The following CHRNB3 variants were observed in gnomAD, a reference collection of about 807,000 sequenced individuals.
The protein encoded by CHRNB3 is cholinergic receptor nicotinic beta 3 subunit.
Under a neutral mutation model 40.6 loss-of-function variants are expected in CHRNB3, and 37 were observed. The ratio of observed to expected loss-of-function variants is 0.91; its 90% CI spans 0.70 to 1.20. The LOEUF (loss-of-function observed/expected upper bound fraction) is 1.20, where lower values mean the gene tolerates loss of function less well. Among genes scored for constraint, CHRNB3 ranks in the 50% most tolerant of loss-of-function variants. The pLI is 0.00. For synonymous variants in CHRNB3, 207 were observed against 207.1 expected, an observed-to-expected ratio of 1.00 and a Z score of 0.00; for missense variants, 505 against 551.2, an observed-to-expected ratio of 0.92 and a Z score of 0.84.
intron 3 of CHRNB3, chr8:42,725,488 A>G (rs1445779200): frequency 1.5e-6 from 1 of 671,754 alleles, no homozygotes; most frequent in African/African-American, 1.8e-5. Context: ...CCCAAAATAC[A>G]AAAACACATG....
chr8:42,717,069 C>G (rs1321176260), intron 3 of CHRNB3, among the ~76,000 whole-genome samples: 1 of 151,924 alleles, frequency 6.6e-6, no homozygotes, highest in Non-Finnish European at 1.5e-5. Flanking sequence ...AGCTGATTTC[C>G]CAGGAAAAAT....
intron 1 of CHRNB3, among the ~76,000 whole-genome samples, chr8:42,703,437 T>A (rs375246750): frequency 0.25 from 7,845 of 31,124 alleles, 1,589 homozygotes; most frequent in Non-Finnish European, 0.39. Context: ...AAAAAAAAAA[T>A]ATTTATATAT....
At chr8:42,718,775 G>A (rs1473158254) in intron 3 of CHRNB3, among the ~76,000 whole-genome samples, 1 of 151,804 alleles carries the variant, frequency 6.6e-6, no homozygotes, top group Non-Finnish European at 1.5e-5. Context: ...TTTGGCTCTG[G>A]GTTGTGGTTT....
At chr8:42,721,175 G>A (rs1563612518) in intron 3 of CHRNB3, among the ~76,000 whole-genome samples, 1 of 152,218 alleles carries the variant, frequency 6.6e-6, no homozygotes, top group Non-Finnish European at 1.5e-5. Context: ...GATCAGCTGA[G>A]AACATTTTAG....
chr8:42,717,403 A>AAAAAAAAAAAAAAAAAAG lies in CHRNB3; in HGVS notation c.249+6971_249+6972insAAAAAAAAAAAAAAAGAA, dbSNP rs71221230. ...AAAAAAAAAAAAAAAAAAAAAAAAA[A>AAAAAAAAAAAAAAAAAAG]AAGCCGACCTGTTGTGGAAAGGTCA... On this transcript the variant is annotated intron_variant, in intron 3 of 5. Coordinates refer to ENST00000289957, the MANE Select transcript of CHRNB3 (RefSeq NM_000749.5). Among the ~76,000 whole-genome samples, 105 of 50,906 alleles carry AAAAAAAAAAAAAAAAAAG rather than the reference A, an allele frequency of 2.1e-3. 47 individuals are homozygous for AAAAAAAAAAAAAAAAAAG. Among genetic ancestry groups the AAAAAAAAAAAAAAAAAAG allele is most frequent in the East Asian group, 7.0e-3 (11 of 1,568 alleles). 33.4% of individuals were successfully genotyped at this position (50,906 alleles called of 152,430 possible).
chr8:42,715,312 C>T (rs1010322711), intron 3 of CHRNB3, among the ~76,000 whole-genome samples: 3 of 152,086 alleles, frequency 2.0e-5, no homozygotes, highest in Non-Finnish European at 2.9e-5. Flanking sequence ...AGAAGTTCTA[C>T]AAGCCAAAAA....
intron 1 of CHRNB3, 86 bp from the exon 2 acceptor site, chr8:42,708,629 GGA>G (rs1815959533): frequency 7.0e-7 from 1 of 1,436,418 alleles, no homozygotes; most frequent in African/African-American, 1.4e-5. Context: ...CTATGGTGCA[GGA>G]GGCCAAGGCC....
chr8:42,708,907 T>C (rs374923236), intron 2 of CHRNB3, 39 bp downstream of exon 2: 19 of 1,576,282 alleles, frequency 1.2e-5, no homozygotes, highest in Non-Finnish European at 1.6e-5. Flanking sequence ...AGAACATGCA[T>C]TCCTTAACCT....
chr8:42,716,811 C>T (rs544924385), intron 3 of CHRNB3, among the ~76,000 whole-genome samples: 1 of 152,190 alleles, frequency 6.6e-6, no homozygotes, highest in East Asian at 1.9e-4. Context: ...CCTTCTGCCT[C>T]ATAAGGCCCT....
chr8:42,711,328 A>T (rs1816012013), intron 3 of CHRNB3, among the ~76,000 whole-genome samples: 1 of 151,752 alleles, frequency 6.6e-6, no homozygotes, highest in Non-Finnish European at 1.5e-5. Flanking sequence ...TAAATAAATA[A>T]ACTTGGTTTA....
chr8:42,731,927 AG>A lies in CHRNB3; in HGVS notation c.624del (p.Met209Ter), dbSNP rs1816431128. 2.5e-6 allele frequency: 4 copies of A among 1,614,026 alleles called. No homozygotes were observed. The highest frequency in any genetic ancestry group is 3.4e-6 in the Non-Finnish European group (4 of 1,180,032). ...DNGEWEILNA[K>X]GMKGNRRDGV... ...GGAGAATGGGAAATACTGAACGCAA[AG>A]GGGATGAAGGGGAACAGAAGGGACG... On this transcript the variant is annotated frameshift_variant, in exon 5 of 6. Transcript: ENST00000289957. LOFTEE classifies it high-confidence loss of function.
At chr8:42,726,486 T>A (rs1309380303) in intron 3 of CHRNB3, among the ~76,000 whole-genome samples, 2 of 151,800 alleles carry the variant, frequency 1.3e-5, no homozygotes, top group Non-Finnish European at 2.9e-5. Flanking sequence ...ATGACTTTTT[T>A]TTTTTTTTTT....
intron 3 of CHRNB3, 141 bp from the exon 4 acceptor site, chr8:42,730,453 G>T: frequency 3.8e-6 from 2 of 531,218 alleles, no homozygotes; most frequent in Admixed American, 3.5e-5. Context: ...TGAGTCCCCA[G>T]TAGGGTCACG....
intron 3 of CHRNB3, among the ~76,000 whole-genome samples, chr8:42,728,994 C>A (rs1816354391): frequency 6.6e-6 from 1 of 151,948 alleles, no homozygotes; most frequent in Non-Finnish European, 1.5e-5. Context: ...TATATTTGTT[C>A]TTCGAAATTG....
chr8:42,713,710 G>C (rs538916374), intron 3 of CHRNB3, among the ~76,000 whole-genome samples: 1 of 152,260 alleles, frequency 6.6e-6, no homozygotes, highest in South Asian at 2.1e-4. Context: ...TATCTATTGA[G>C]ATTAATATAC....
At chr8:42,703,003 C>T (rs924672708) in intron 1 of CHRNB3, among the ~76,000 whole-genome samples, 3 of 152,182 alleles carry the variant, frequency 2.0e-5, no homozygotes, top group African/African-American at 7.2e-5. Flanking sequence ...CCAGTATCTT[C>T]ACCTGTAAAA....
chr8:42,711,989 G>A (rs893441926), intron 3 of CHRNB3, among the ~76,000 whole-genome samples: 8 of 151,634 alleles, frequency 5.3e-5, no homozygotes, highest in Non-Finnish European at 7.4e-5. Context: ...TTGTTTGTTT[G>A]TTTTTCTTTT....
Position 42,703,442 on chromosome 8 carries a change from A to T in CHRNB3, c.53-5275A>T, listed in dbSNP as rs1428141301. On this transcript the variant is annotated intron_variant, in intron 1 of 5. Transcript: ENST00000289957. ...TCGTCTAAAAAAAAAAAAAATATTT[A>T]TATATATATATATATATATGTATCC... 1.1e-4 allele frequency among the ~76,000 whole-genome samples: 4 copies of T among 36,782 alleles called. 2 individuals are homozygous for T. Among genetic ancestry groups the T allele is most frequent in the African/African-American group, 6.9e-4 (2 of 2,912 alleles). 24.1% of individuals were successfully genotyped at this position (36,782 alleles called of 152,430 possible).
intron 3 of CHRNB3, among the ~76,000 whole-genome samples, chr8:42,720,081 C>T (rs899480701): frequency 6.7e-6 from 1 of 148,566 alleles, no homozygotes; most frequent in Non-Finnish European, 1.5e-5. Context: ...CCTTCCTTCC[C>T]CACGCAACCC....
Sources: gnomAD v4.1 joint callset for allele counts (sites outside exome capture counted in the v4.1 genomes callset) on GRCh38, gnomAD v4.1.1 for gene constraint, MANE v1.5 for transcripts, NCBI Gene and HGNC (gene_info 2026-07-23, HGNC 2026-07-21) for gene names.